PDE4D: variants seen among roughly 807,000 people sequenced by gnomAD.
PDE4D encodes the protein 3',5'-cyclic-AMP phosphodiesterase 4D.
Under a neutral mutation model 87.4 loss-of-function variants are expected in PDE4D, and 24 were observed. That is an observed-to-expected ratio of 0.27 (90% confidence interval 0.20 to 0.39). The LOEUF is 0.39. PDE4D is among the 10% of genes least tolerant of loss of function. PDE4D has a pLI of 1.00. For synonymous variants in PDE4D, 384 were observed against 383.2 expected (o/e 1.00, Z -0.02); for missense variants, 714 against 1,041.0 (o/e 0.69, Z 4.32).
At chr5:59,286,040 G>A (rs933819207) in intron 1 of PDE4D, among the ~76,000 whole-genome samples, 4 of 152,172 alleles carry the variant, frequency 2.6e-5, no homozygotes, top group Non-Finnish European at 5.9e-5. Context: ...TGGTAAAGAT[G>A]CATTAGCACA....
chr5:59,925,031 T>C (rs925315278), intron 3 of PDE4D, among the ~76,000 whole-genome samples: 10 of 151,418 alleles, frequency 6.6e-5, no homozygotes, highest in East Asian at 1.9e-4. Flanking sequence ...AAAAATTAGC[T>C]GGGTGTGGTG....
intron 1 of PDE4D, among the ~76,000 whole-genome samples, chr5:59,814,146 T>C (rs1193368955): frequency 6.6e-6 from 1 of 152,212 alleles, no homozygotes; most frequent in Non-Finnish European, 1.5e-5. Flanking sequence ...TGTTCCTTCC[T>C]GGCACTAGGG....
chr5:59,470,410 C>T (rs1802267346), intron 1 of PDE4D, among the ~76,000 whole-genome samples: 1 of 152,152 alleles, frequency 6.6e-6, no homozygotes, highest in South Asian at 2.1e-4. Context: ...ATTCTGTACT[C>T]CTACTCATAG....
At chr5:59,943,568 C>T (rs774031988) in intron 3 of PDE4D, among the ~76,000 whole-genome samples, 1 of 152,172 alleles carries the variant, frequency 6.6e-6, no homozygotes, top group Admixed American at 6.5e-5. Flanking sequence ...AGCCATTTGG[C>T]TTCTGCATAA....
chr5:59,158,193 T>C (rs1382273105), intron 5 of PDE4D, among the ~76,000 whole-genome samples: 1 of 152,230 alleles, frequency 6.6e-6, no homozygotes, highest in Non-Finnish European at 1.5e-5. Flanking sequence ...TGCCTTCTGA[T>C]CATTTAACTC....
intron 1 of PDE4D, among the ~76,000 whole-genome samples, chr5:59,877,765 G>T (rs1464415374): frequency 2.0e-5 from 3 of 152,084 alleles, no homozygotes; most frequent in Admixed American, 6.6e-5. Context: ...GTTGCAGTGA[G>T]CCAAGATCGC....
intron 2 of PDE4D, among the ~76,000 whole-genome samples, chr5:60,078,228 G>C (rs554909738): frequency 2.8e-4 from 42 of 152,204 alleles, no homozygotes; most frequent in African/African-American, 9.4e-4. Context: ...GTGGAGATAG[G>C]CTTTCTCAAC....
intron 5 of PDE4D, among the ~76,000 whole-genome samples, chr5:59,171,451 C>T (rs984703333): frequency 5.3e-5 from 8 of 152,272 alleles, no homozygotes; most frequent in East Asian, 3.9e-4. Context: ...TTTGTTCCTA[C>T]GATTGGAAAT....
intron 1 of PDE4D, among the ~76,000 whole-genome samples, chr5:60,425,507 C>T (rs1317967101): frequency 6.6e-6 from 1 of 152,106 alleles, no homozygotes; most frequent in Non-Finnish European, 1.5e-5. Context: ...TGGATCCCTT[C>T]CTTACACCTT....
chr5:59,167,518 C>A (rs1782094735), intron 5 of PDE4D, among the ~76,000 whole-genome samples: 1 of 152,182 alleles, frequency 6.6e-6, no homozygotes, highest in Non-Finnish European at 1.5e-5. Context: ...CAGCCCTCCA[C>A]TTTCTCATGC....
chr5:60,204,902 C>T (rs1299952635), intron 1 of PDE4D, among the ~76,000 whole-genome samples: 3 of 152,142 alleles, frequency 2.0e-5, no homozygotes, highest in African/African-American at 7.2e-5. Context: ...CAGTACCAGC[C>T]TTTAAGGATT....
At chr5:59,406,350 G>A (rs922770746) in intron 1 of PDE4D, among the ~76,000 whole-genome samples, 3 of 143,184 alleles carry the variant, frequency 2.1e-5, no homozygotes, top group Admixed American at 1.5e-4. Context: ...TTGAATTTCT[G>A]TGGTATTGCT....
chr5:59,706,128 C>T (rs2150482300), intron 1 of PDE4D, among the ~76,000 whole-genome samples: 1 of 152,268 alleles, frequency 6.6e-6, no homozygotes, highest in East Asian at 1.9e-4. Context: ...ACCCTGATAT[C>T]CCCAAAGACA....
intron 1 of PDE4D, among the ~76,000 whole-genome samples, chr5:59,487,035 T>C (rs1451488637): frequency 6.6e-6 from 1 of 152,174 alleles, no homozygotes; most frequent in Non-Finnish European, 1.5e-5. Context: ...TGCATAGAAG[T>C]AGAAGATAAT....
At chr5:59,045,249 A>G (rs185426103) in intron 5 of PDE4D, among the ~76,000 whole-genome samples, 45 of 152,330 alleles carry the variant, frequency 3.0e-4, no homozygotes, top group Admixed American at 2.4e-3. Context: ...ACACAGACCT[A>G]TGATGAACAA....
chr5:59,440,168 T>G (rs927060703), intron 1 of PDE4D, among the ~76,000 whole-genome samples: 5 of 152,212 alleles, frequency 3.3e-5, no homozygotes, highest in African/African-American at 1.2e-4. Flanking sequence ...CAATTGTGAT[T>G]TAGCAGTCAC....
At chr5:59,226,937 T>C (rs1345435669) in intron 1 of PDE4D, among the ~76,000 whole-genome samples, 2 of 152,082 alleles carry the variant, frequency 1.3e-5, no homozygotes, top group Non-Finnish European at 1.5e-5. Context: ...ATAAAACAAG[T>C]AGAGATTTAT....
chr5:59,521,557 C>T (rs1055594683), intron 1 of PDE4D, among the ~76,000 whole-genome samples: 4 of 152,206 alleles, frequency 2.6e-5, no homozygotes, highest in African/African-American at 9.6e-5. Context: ...GTGCACCATT[C>T]TTCTCCCAGC....
intron 1 of PDE4D, among the ~76,000 whole-genome samples, chr5:60,515,552 TAAG>T (rs1750755022): frequency 6.6e-6 from 1 of 151,752 alleles, no homozygotes; most frequent in African/African-American, 2.4e-5. Flanking sequence ...TTATATGTTT[TAAG>T]ATAAGGTGTT....
Sources: gnomAD v4.1 joint callset for allele counts (sites outside exome capture counted in the v4.1 genomes callset) on GRCh38, gnomAD v4.1.1 for gene constraint, MANE v1.5 for transcripts, NCBI Gene and HGNC (gene_info 2026-07-23, HGNC 2026-07-21) for gene names.